Variants in NEK11 observed in about 807,000 individuals in gnomAD.
NEK11 encodes the protein serine/threonine-protein kinase Nek11.
A neutral mutation model predicts 80.7 loss-of-function variants in NEK11; 72 were observed. The ratio of observed to expected loss-of-function variants is 0.89; its 90% CI spans 0.74 to 1.08. NEK11 has a LOEUF of 1.08. Among genes scored for constraint, NEK11 ranks in the 50% least tolerant of loss-of-function variants. The pLI, the probability that NEK11 is intolerant of heterozygous loss-of-function variation, is 0.00. For missense variants in NEK11, 764 were observed against 763.6 expected (o/e 1.00, Z -0.01); for synonymous variants, 251 against 260.7 (o/e 0.96, Z 0.36).
intron 17 of NEK11, among the ~76,000 whole-genome samples, chr3:131,275,083 GTCT>G (rs2096272018): frequency 6.6e-6 from 1 of 152,084 alleles, no homozygotes; most frequent in African/African-American, 2.4e-5. Flanking sequence ...CTGCATAAAT[GTCT>G]TCTTTTGAGA....
In NEK11 at chr3:131,228,825, G is replaced by A. The variant is rs2095270173; in HGVS notation, c.1560+137G>A. ...TTATTATAATAGCTACTTGTGGTAAGTCTGGCTTTTCAAGGTCCAGAGGCA... is the reference window on the plus strand; with the variant it reads ...TTATTATAATAGCTACTTGTGGTAAATCTGGCTTTTCAAGGTCCAGAGGCA... On this transcript the variant is annotated intron_variant, in intron 15 of 17. Transcript: ENST00000383366. 3.5e-6 allele frequency: 3 copies of A among 857,058 alleles called. No individual in the cohort carries two copies. The South Asian group carries it at 7.2e-5, about 20-fold the overall frequency. The allele number at this position is 857,058 out of a possible 1,614,324, so 53.1% of individuals were successfully genotyped here.
intron 15 of NEK11, among the ~76,000 whole-genome samples, chr3:131,237,252 C>G (rs1400710156): frequency 6.6e-6 from 1 of 152,112 alleles, no homozygotes; most frequent in Non-Finnish European, 1.5e-5. Context: ...AGGAACATCA[C>G]TTGAGCCCAA....
chr3:131,337,799 C>G (rs76460459), intron 17 of NEK11, among the ~76,000 whole-genome samples: 34 of 152,110 alleles, frequency 2.2e-4, no homozygotes, highest in South Asian at 8.3e-4. Flanking sequence ...CTGAACCCCC[C>G]CTCCATGTAG....
At chr3:131,262,833 GC>G (rs2095956836) in intron 16 of NEK11, among the ~76,000 whole-genome samples, 1 of 151,790 alleles carries the variant, frequency 6.6e-6, no homozygotes, top group African/African-American at 2.4e-5. Flanking sequence ...CCCCCGACAG[GC>G]CCTGGTGTGT....
chr3:131,149,704 A>C (rs2089240858), intron 7 of NEK11, among the ~76,000 whole-genome samples: 1 of 152,048 alleles, frequency 6.6e-6, no homozygotes, highest in Admixed American at 6.6e-5. Context: ...TATCTGTGGA[A>C]TCTACAGTGT....
At chr3:131,342,646 T>G (rs960149354) in intron 17 of NEK11, among the ~76,000 whole-genome samples, 14 of 152,194 alleles carry the variant, frequency 9.2e-5, no homozygotes, top group African/African-American at 3.4e-4. Flanking sequence ...GCTTCCAGTT[T>G]AACAGAAATA....
chr3:131,128,411 A>G (rs765603959), intron 5 of NEK11, among the ~76,000 whole-genome samples: 5 of 152,182 alleles, frequency 3.3e-5, no homozygotes, highest in Non-Finnish European at 5.9e-5. Flanking sequence ...AATCATATAT[A>G]GATTTCTCAG....
At chr3:131,115,928 TTCTTTCTTTC>T (rs2081007044) in intron 5 of NEK11, among the ~76,000 whole-genome samples, 1 of 109,972 alleles carries the variant, frequency 9.1e-6, no homozygotes. Context: ...CTTTCTTTCT[TTCTTTCTTTC>T]TTTCTTTCTT....
chr3:131,232,863 C>T (rs1262222440), intron 15 of NEK11, among the ~76,000 whole-genome samples: 1 of 152,038 alleles, frequency 6.6e-6, no homozygotes, highest in African/African-American at 2.4e-5. Flanking sequence ...CGGTACTTTG[C>T]ATGCTGTGTC....
intron 17 of NEK11, among the ~76,000 whole-genome samples, chr3:131,282,010 G>A (rs1367260491): frequency 6.6e-6 from 1 of 152,160 alleles, no homozygotes; most frequent in East Asian, 1.9e-4. Flanking sequence ...TTAGCCTCAG[G>A]TTTCAGCTGA....
chr3:131,084,935 G>A (rs1454682346), intron 4 of NEK11, among the ~76,000 whole-genome samples: 1 of 152,128 alleles, frequency 6.6e-6, no homozygotes, highest in East Asian at 1.9e-4. Context: ...CAAAAGGAGA[G>A]AATAGTTAGT....
intron 14 of NEK11, among the ~76,000 whole-genome samples, chr3:131,204,331 G>C (rs539139444): frequency 6.6e-6 from 1 of 152,260 alleles, no homozygotes; most frequent in African/African-American, 2.4e-5. Flanking sequence ...GTTTCCCTGA[G>C]TTCTGTGAGT....
At chr3:131,259,863 A>C (rs2095881980) in intron 16 of NEK11, among the ~76,000 whole-genome samples, 1 of 152,144 alleles carries the variant, frequency 6.6e-6, no homozygotes, top group Admixed American at 6.6e-5. Context: ...TTCAAGGAGG[A>C]TCTGCATAGT....
At chr3:131,127,164 C>G (rs2083506137) in intron 5 of NEK11, among the ~76,000 whole-genome samples, 1 of 151,952 alleles carries the variant, frequency 6.6e-6, no homozygotes, top group Non-Finnish European at 1.5e-5. Context: ...TGGGCTTCAT[C>G]ATGTTGGCCA....
rs551040591 is a variant in NEK11, at chr3:131,039,866, A to G, written c.170+9988A>G. Among the ~76,000 whole-genome samples the G allele has an allele frequency of 1.7e-4, 26 of 152,350 alleles. No homozygotes were observed. In the East Asian group the frequency reaches 5.0e-3, roughly 29 times the overall value. On this transcript the variant is annotated intron_variant, in intron 3 of 17. Transcript: ENST00000383366. ...AAATAGTGCACTTTGAGTGATGTGC[A>G]TGACTTACAAGTCAACATGAGAGAC... is the stretch of plus-strand genomic sequence containing the variant.
At chr3:131,298,842 CT>C (rs2096629908) in intron 17 of NEK11, among the ~76,000 whole-genome samples, 1 of 150,084 alleles carries the variant, frequency 6.7e-6, no homozygotes, top group African/African-American at 2.5e-5. Context: ...AATATTTCTT[CT>C]TTTCTCTCTG....
chr3:131,223,875 C>T (rs1434133068), intron 14 of NEK11, among the ~76,000 whole-genome samples: 1 of 151,896 alleles, frequency 6.6e-6, no homozygotes, highest in African/African-American at 2.4e-5. Context: ...CCATATTGCC[C>T]ATTTCAGTTG....
At chr3:131,304,634 C>T (rs2096703038) in intron 17 of NEK11, among the ~76,000 whole-genome samples, 1 of 152,142 alleles carries the variant, frequency 6.6e-6, no homozygotes. Flanking sequence ...TTTCAGGCAT[C>T]TGGCTTTGTT....
chr3:131,042,649 A>G (rs988705809), intron 3 of NEK11, among the ~76,000 whole-genome samples: 4 of 152,230 alleles, frequency 2.6e-5, no homozygotes, highest in African/African-American at 9.6e-5. Flanking sequence ...TCCCTGGGAC[A>G]GAGCACCTGG....
Sources: gnomAD v4.1 joint callset for allele counts (sites outside exome capture counted in the v4.1 genomes callset) on GRCh38, gnomAD v4.1.1 for gene constraint, MANE v1.5 for transcripts, NCBI Gene and HGNC (gene_info 2026-07-23, HGNC 2026-07-21) for gene names.